DHX16: variants seen among roughly 807,000 people sequenced by gnomAD.
DHX16 encodes the protein DEAH-box helicase 16, also known as pre-mRNA-splicing factor ATP-dependent RNA helicase DHX16.
In DHX16, 81 loss-of-function variants were observed where a neutral mutation model predicts 131.2. That is an observed-to-expected ratio of 0.62 (90% CI 0.52 to 0.74). The LOEUF (loss-of-function observed/expected upper bound fraction) is 0.74, where lower values mean the gene tolerates loss of function less well. Ranked by LOEUF, DHX16 falls within the 30% of genes least tolerant of loss-of-function variation. DHX16 has a pLI of 0.00. For synonymous variants in DHX16, 440 were observed against 520.2 expected (o/e 0.85, Z 2.10); for missense variants, 980 against 1,363.1 (o/e 0.72, Z 4.43).
In DHX16 at chr6:30,665,937, C is replaced by T. The variant is rs1333380068; in HGVS notation, c.667-204G>A. On this transcript the variant is annotated intron_variant, in intron 4 of 19. Transcript: ENST00000376442. This position sits in a 1 kb window ranked among gnomAD's most constrained non-coding sequence, Gnocchi z 4.8. ...TGGATGCTACATGCTGACCCCACAT[C>T]GTATCTTCCTGCAGCAGAATCCAGC... Among the ~76,000 whole-genome samples, 2 of 152,156 alleles carry T rather than the reference C, an allele frequency of 1.3e-5. No individual in the cohort carries two copies. Among genetic ancestry groups the T allele is most frequent in the South Asian group, 2.1e-4 (1 of 4,828 alleles).
chr6:30,654,941 G>A (rs1767828334), intron 18 of DHX16, 62 bp from the exon 19 acceptor site: 2 of 1,530,586 alleles, frequency 1.3e-6, no homozygotes, highest in Non-Finnish European at 1.8e-6. Context: ...CCCTAAGAAT[G>A]CACTACCTTT....
intron 9 of DHX16, among the ~76,000 whole-genome samples, chr6:30,661,541 G>T (rs534050164): frequency 5.9e-5 from 9 of 152,302 alleles, no homozygotes; most frequent in Non-Finnish European, 1.2e-4. Flanking sequence ...CATCATTCTT[G>T]ACTGTTTCTT....
At position 30,665,533 on chromosome 6, in the gene DHX16, C is replaced by T. The variant is rs756138279; in HGVS notation, c.867G>A (p.Gln289=). The change falls in exon 5 of 20, where the codon CAG becomes CAA. Residue 289 remains glutamine, a synonymous_variant. Transcript: ENST00000376442. This position sits in a 1 kb window ranked among gnomAD's most constrained non-coding sequence, Gnocchi z 4.8. ...LAREYRAAGE[Q]EKLEATNRYH... ...AGCGATTGGTGGCCTCCAGCTTCTCCTGCTCCCCAGCTGCCCGGTACTCCC... is the reference window on the plus strand; with the variant it reads ...AGCGATTGGTGGCCTCCAGCTTCTCTTGCTCCCCAGCTGCCCGGTACTCCC... 2.5e-6 allele frequency: 4 copies of T among 1,612,980 alleles called. No individual in the cohort carries two copies. Among genetic ancestry groups the T allele is most frequent in the Non-Finnish European group, 3.4e-6 (4 of 1,180,044 alleles).
At chr6:30,672,569 T>TCGATGGAC (rs1769665730) in intron 1 of DHX16, 66 bp downstream of exon 1, 1 of 1,424,616 alleles carries the variant, frequency 7.0e-7, no homozygotes. Context: ...TCTTAACTTC[T>TCGATGGAC]CGATGGACCG....
In DHX16 at chr6:30,653,294, T is replaced by C; in HGVS notation, c.3074A>G (p.His1025Arg). ...TATTTTTTTGGGCATTTTCTTAGCA[T>C]GGGGATCTTCTAGCTCCTTGGCCTT... ...YYKAKELEDP[H>R]AKKMPKKIGK... is the part of the protein sequence containing the mutation. Residue 1025 changes from histidine to arginine, a missense_variant, in exon 20 of 20, where the codon CAT becomes CGT. This residue lies in a region of DHX16 where 214 missense variants were observed against 271.2 expected (regional missense o/e 0.79). Coordinates refer to ENST00000376442, the MANE Select transcript of DHX16 (RefSeq NM_003587.5). 1 of 1,613,060 alleles carries C rather than the reference T, an allele frequency of 6.2e-7. No individual in the cohort carries two copies. Among genetic ancestry groups the C allele is most frequent in the Non-Finnish European group, 8.5e-7 (1 of 1,180,028 alleles).
In DHX16 at chr6:30,665,331, C is replaced by T. The variant is rs1768937971; in HGVS notation, c.922-57G>A. The T allele has an allele frequency of 6.3e-7, 1 of 1,592,468 alleles. No homozygotes were observed. Among genetic ancestry groups the T allele is most frequent in the African/African-American group, 1.3e-5 (1 of 74,630 alleles). On this transcript the variant is annotated intron_variant, in intron 5 of 19. Transcript: ENST00000376442. The surrounding 1 kb of genome is among the most constrained non-coding windows in gnomAD (Gnocchi z 4.8). ...AAACAGGATGTCCTCTCTGCCCTCT[C>T]CCCTCTTCCCATTACTACCCCCGCC...
In DHX16 at chr6:30,659,778, C is replaced by T; in HGVS notation, c.1812G>A (p.Val604=). ...CCAGGATATCCCCAGGGGGCTGGGT[C>T]ACATGGATCTGCAACACAGATACTA... ...ACVVSVLQIH[V]TQPPGDILVF... Residue 604 remains valine, a synonymous_variant, in exon 11 of 20, where the codon GTG becomes GTA. Transcript: ENST00000376442. 6.2e-7 allele frequency: 1 copy of T among 1,614,130 alleles called. No homozygotes were observed. The highest frequency in any genetic ancestry group is 8.5e-7 in the Non-Finnish European group (1 of 1,180,028).
At chr6:30,671,870 C>T (rs1450667888) in intron 1 of DHX16, among the ~76,000 whole-genome samples, 1 of 146,982 alleles carries the variant, frequency 6.8e-6, no homozygotes, top group Non-Finnish European at 1.5e-5. Context: ...TTTTGTAGGA[C>T]GAAGGTTTCG....
Position 30,670,294 on chromosome 6 carries a change from G to A in DHX16, c.666+116C>T. 9.6e-7 allele frequency: 1 copy of A among 1,036,346 alleles called. No individual in the cohort carries two copies. The highest frequency in any genetic ancestry group is 1.4e-6 in the Non-Finnish European group (1 of 721,410). 64.2% of individuals were successfully genotyped at this position (1,036,346 alleles called of 1,614,324 possible). A position where few individuals can be genotyped will look rare whatever the true frequency, so the allele number is the denominator to read the frequency against. On this transcript the variant is annotated intron_variant, in intron 4 of 19. Coordinates refer to ENST00000376442, the MANE Select transcript of DHX16 (RefSeq NM_003587.5). This position sits in a 1 kb window ranked among gnomAD's most constrained non-coding sequence, Gnocchi z 4.4. ...AACCAAGCCCCTCTTCTAGAAACCT[G>A]ACCACCCCATCAGCATCCACACTGT... is the stretch of plus-strand genomic sequence containing the variant.
In DHX16 at chr6:30,662,942, G is replaced by A. The variant is rs779560720; in HGVS notation, c.1397C>T (p.Ala466Val). 9 of 1,613,122 alleles carry A rather than the reference G, an allele frequency of 5.6e-6. No individual in the cohort carries two copies. The South Asian group carries it at 8.8e-5, about 16-fold the overall frequency. ...VAAMSVAARV[A>V]REMGVKLGNE... ...CCCAAGCTTCACACCCATCTCCCGG[G>A]CCACTCGGGCGGCCACACTCATGGC... Residue 466 changes from alanine (A) to valine (V), a missense_variant, in exon 8 of 20, where the codon GCC (alanine) becomes GTC (valine). Physicochemically the swap from Ala to Val is moderately conservative, Grantham distance 64. Coordinates refer to ENST00000376442, the MANE Select transcript of DHX16 (RefSeq NM_003587.5). This position sits in a 1 kb window ranked among gnomAD's most constrained non-coding sequence, Gnocchi z 4.7.
At chr6:30,672,553 G>A (rs1769664459) in intron 1 of DHX16, 82 bp downstream of exon 1, 1 of 1,279,962 alleles carries the variant, frequency 7.8e-7, no homozygotes. Context: ...CTTGTGAACT[G>A]AGCTTTCTTA....
intron 1 of DHX16, among the ~76,000 whole-genome samples, chr6:30,671,591 C>CA (rs887650272): frequency 1.3e-5 from 2 of 152,120 alleles, no homozygotes; most frequent in African/African-American, 4.8e-5. Flanking sequence ...ATGATCCACT[C>CA]ACCTCAGCCT....
chr6:30,654,386 T>C (rs1008199573), intron 19 of DHX16, among the ~76,000 whole-genome samples: 7 of 151,990 alleles, frequency 4.6e-5, no homozygotes, highest in Middle Eastern at 3.2e-3. Context: ...TCATCTCTAC[T>C]AAAAATAACA....
intron 19 of DHX16, 61 bp from the exon 20 acceptor site, chr6:30,653,431 TTATTTTTTTTTCTTAAA>T: frequency 6.5e-7 from 1 of 1,531,032 alleles, no homozygotes; most frequent in Non-Finnish European, 8.8e-7. Flanking sequence ...TTTGTTGTTG[TTATTTTTTTTTCTTAAA>T]TTGAAACAGA....
Position 30,662,559 on chromosome 6 carries a change from A to T in DHX16, c.1544+68T>A. ...ACAAAGATTCAAGAACGGGTGGATT[A>T]ATCAGAAGACAATGGCTGAATTGGC... On this transcript the variant is annotated intron_variant, in intron 9 of 19. Coordinates refer to ENST00000376442, the MANE Select transcript of DHX16 (RefSeq NM_003587.5). This position sits in a 1 kb window ranked among gnomAD's most constrained non-coding sequence, Gnocchi z 4.7. 1 of 1,336,592 alleles carries T rather than the reference A, an allele frequency of 7.5e-7. No individual in the cohort carries two copies. Among genetic ancestry groups the T allele is most frequent in the Non-Finnish European group, 1.1e-6 (1 of 934,912 alleles). 82.8% of individuals were successfully genotyped at this position (1,336,592 alleles called of 1,614,324 possible).
Position 30,662,086 on chromosome 6 carries a change from T to C in DHX16, c.1544+541A>G, listed in dbSNP as rs1467339241. ...CATTTCCAGCACTAAGAGCTCATTATTCACAGACCAAGCTACCCAAGACTT... is the reference window on the plus strand; with the variant it reads ...CATTTCCAGCACTAAGAGCTCATTACTCACAGACCAAGCTACCCAAGACTT... On this transcript the variant is annotated intron_variant, in intron 9 of 19. Coordinates refer to ENST00000376442, the MANE Select transcript of DHX16 (RefSeq NM_003587.5). This position sits in a 1 kb window ranked among gnomAD's most constrained non-coding sequence, Gnocchi z 4.7. 3.6e-6 allele frequency: 2 copies of C among 554,982 alleles called. No homozygotes were observed. Among genetic ancestry groups the C allele is most frequent in the Middle Eastern group, 4.8e-4 (1 of 2,084 alleles). 34.4% of individuals were successfully genotyped at this position (554,982 alleles called of 1,614,324 possible).
At chr6:30,655,027 T>TG in intron 18 of DHX16, 148 bp from the exon 19 acceptor site, 1 of 1,403,912 alleles carries the variant, frequency 7.1e-7, no homozygotes, top group Non-Finnish European at 9.8e-7. Flanking sequence ...TTCAGTGGTC[T>TG]GGGGAAGAAA....
chr6:30,657,812 A>G (rs1211801957), intron 12 of DHX16, among the ~76,000 whole-genome samples: 1 of 151,746 alleles, frequency 6.6e-6, no homozygotes. Context: ...CCCTCCCTAC[A>G]CCCCAAGGAA....
At chr6:30,657,240 A>T (rs1392204587) in intron 12 of DHX16, 148 bp from the exon 13 acceptor site, 2 of 779,346 alleles carry the variant, frequency 2.6e-6, no homozygotes, top group African/African-American at 3.5e-5. Flanking sequence ...GGAGCAGGGG[A>T]CAAGGCCAGA....
Sources: gnomAD v4.1 joint callset for allele counts (sites outside exome capture counted in the v4.1 genomes callset) on GRCh38, gnomAD v4.1.1 for gene constraint, gnomAD v4.1.1 regional missense constraint, Gnocchi (gnomAD v3.1) non-coding constraint, MANE v1.5 for transcripts, NCBI Gene and HGNC (gene_info 2026-07-23, HGNC 2026-07-21) for gene names.